Variants in CFAP44 observed in about 807,000 individuals in gnomAD.
CFAP44 encodes the protein cilia and flagella associated protein 44.
Under a neutral mutation model 216.2 loss-of-function variants are expected in CFAP44, and 134 were observed. The observed-to-expected ratio is 0.62, with a 90% CI of 0.54 to 0.72. CFAP44 has a LOEUF of 0.72. Ranked by LOEUF, CFAP44 falls within the 30% of genes least tolerant of loss-of-function variation. The pLI, the probability that CFAP44 is intolerant of heterozygous loss-of-function variation, is 0.00. For missense variants in CFAP44, 2,035 were observed against 2,182.1 expected (o/e 0.93, Z 1.34); for synonymous variants, 700 against 727.6 (o/e 0.96, Z 0.61).
In CFAP44 at chr3:113,303,952, T is replaced by G. The variant is rs2107792170; in HGVS notation, c.5041A>C (p.Ile1681Leu). The change falls in exon 32 of 35, where the codon ATC (isoleucine) becomes CTC (leucine). Residue 1681 changes from isoleucine (I) to leucine (L), a missense_variant. Ile to Leu is a conservative substitution (Grantham distance 5). This residue lies in a region of CFAP44 where 1,883 missense variants were observed against 2,023.7 expected (regional missense o/e 0.93). Coordinates refer to ENST00000393845, the MANE Select transcript of CFAP44 (RefSeq NM_001164496.2). Reference protein sequence around the residue: ...KEWRERRKQLIREKREMTKTI... With the variant: ...KEWRERRKQLLREKREMTKTI... Reference sequence around the variant, plus strand: ...TTTGTCATTTCTCTCTTTTCTCGGATGAGCTGTTTACGTCTCTCTCTCCAT... The same window carrying G: ...TTTGTCATTTCTCTCTTTTCTCGGAGGAGCTGTTTACGTCTCTCTCTCCAT... The G allele has an allele frequency of 6.5e-7, 1 of 1,537,824 alleles. No homozygotes were observed. Among genetic ancestry groups the G allele is most frequent in the Non-Finnish European group, 8.7e-7 (1 of 1,147,034 alleles).
intron 4 of CFAP44, 94 bp from the exon 5 acceptor site, chr3:113,420,273 G>A: frequency 7.9e-7 from 1 of 1,262,306 alleles, no homozygotes; most frequent in Non-Finnish European, 1.0e-6. Context: ...TATACTCTTA[G>A]ATGAAGATGT....
chr3:113,412,003 T>C (rs1934491760), intron 6 of CFAP44, among the ~76,000 whole-genome samples: 1 of 152,146 alleles, frequency 6.6e-6, no homozygotes, highest in African/African-American at 2.4e-5. Flanking sequence ...CCTGAGACTT[T>C]GCTGAAGTTG....
chr3:113,381,676 A>G (rs1933514232), intron 15 of CFAP44, among the ~76,000 whole-genome samples: 1 of 152,242 alleles, frequency 6.6e-6, no homozygotes, highest in South Asian at 2.1e-4. Flanking sequence ...TTAATCATGA[A>G]TGGGAAATCT....
intron 5 of CFAP44, among the ~76,000 whole-genome samples, chr3:113,418,478 G>A (rs1934711940): frequency 6.6e-6 from 1 of 152,146 alleles, no homozygotes; most frequent in African/African-American, 2.4e-5. Flanking sequence ...CAGGTAGGGT[G>A]CCCAAACACT....
intron 22 of CFAP44, among the ~76,000 whole-genome samples, chr3:113,345,977 G>A (rs965928685): frequency 6.6e-6 from 1 of 151,810 alleles, no homozygotes. Flanking sequence ...TTGCCCACTG[G>A]AACTTTTAAA....
chr3:113,385,119 T>G (rs745545532), intron 15 of CFAP44, among the ~76,000 whole-genome samples: 1 of 152,202 alleles, frequency 6.6e-6, no homozygotes, highest in Non-Finnish European at 1.5e-5. Flanking sequence ...GACTTCTTCT[T>G]GCCTGCCGCC....
At chr3:113,408,665 G>A (rs1366310622) in intron 7 of CFAP44, among the ~76,000 whole-genome samples, 1 of 152,172 alleles carries the variant, frequency 6.6e-6, no homozygotes, top group East Asian at 1.9e-4. Context: ...AGGAGTTCGA[G>A]ACCAGCCTGA....
chr3:113,400,818 TAG>T, intron 11 of CFAP44, 174 bp from the exon 12 acceptor site: 2 of 627,622 alleles, frequency 3.2e-6, no homozygotes, highest in Non-Finnish European at 5.4e-6. Context: ...GAGAACCAGA[TAG>T]AGTCCTGGGC....
chr3:113,330,731 T>C (rs1950234670), intron 25 of CFAP44, 63 bp from the exon 26 acceptor site: 2 of 1,450,316 alleles, frequency 1.4e-6, no homozygotes, highest in Admixed American at 2.8e-5. Context: ...GTATGGAATA[T>C]GATCTGCTCT....
Position 113,311,729 on chromosome 3 carries a change from C to G in CFAP44, c.4517-3461G>C, listed in dbSNP as rs1049377743. ...AGAGGTTGGAACAGTTTGGAGGGCTCAGAAGAAGACAGGAAAATGTAAGAG... is the reference window on the plus strand; with the variant it reads ...AGAGGTTGGAACAGTTTGGAGGGCTGAGAAGAAGACAGGAAAATGTAAGAG... On this transcript the variant is annotated intron_variant, in intron 28 of 34. Coordinates refer to ENST00000393845, the MANE Select transcript of CFAP44 (RefSeq NM_001164496.2). Among the ~76,000 whole-genome samples, 4 of 152,194 alleles carry G rather than the reference C, an allele frequency of 2.6e-5. No individual in the cohort carries two copies. In the East Asian group the frequency reaches 5.8e-4, roughly 22 times the overall value.
At chr3:113,329,409 T>A (rs1436353056) in intron 26 of CFAP44, among the ~76,000 whole-genome samples, 1 of 151,778 alleles carries the variant, frequency 6.6e-6, no homozygotes, top group Non-Finnish European at 1.5e-5. Context: ...CAGAATGGTG[T>A]GGGAGGAAAA....
At chr3:113,358,925 T>G in intron 21 of CFAP44, 50 bp from the exon 22 acceptor site, 2 of 1,492,840 alleles carry the variant, frequency 1.3e-6, no homozygotes, top group Non-Finnish European at 1.8e-6. Context: ...ATCAACTCTG[T>G]TTCATATATT....
intron 28 of CFAP44, among the ~76,000 whole-genome samples, chr3:113,317,071 C>T (rs139984949): frequency 5.8e-4 from 88 of 152,268 alleles, no homozygotes; most frequent in African/African-American, 2.0e-3. Context: ...GAACCCTGAA[C>T]GGGGTAACCA....
At chr3:113,415,133 T>A (rs1214385642) in intron 6 of CFAP44, among the ~76,000 whole-genome samples, 3 of 152,184 alleles carry the variant, frequency 2.0e-5, no homozygotes, top group Non-Finnish European at 4.4e-5. Context: ...CTTCTAGATT[T>A]TCTAGTTTAT....
intron 15 of CFAP44, 29 bp from the exon 16 acceptor site, chr3:113,381,089 A>T: frequency 6.7e-7 from 1 of 1,487,592 alleles, no homozygotes; most frequent in Non-Finnish European, 9.0e-7. Context: ...ACATATTTAC[A>T]TTTAGGCAAA....
intron 1 of CFAP44, among the ~76,000 whole-genome samples, chr3:113,439,911 C>T (rs1267997835): frequency 6.6e-6 from 1 of 152,130 alleles, no homozygotes; most frequent in Non-Finnish European, 1.5e-5. Context: ...TCGGTTTTTA[C>T]TTTGCAATGT....
At chr3:113,394,138 T>G (rs1166481088) in intron 15 of CFAP44, among the ~76,000 whole-genome samples, 1 of 152,246 alleles carries the variant, frequency 6.6e-6, no homozygotes, top group African/African-American at 2.4e-5. Flanking sequence ...TTACATGTTA[T>G]GCAACTATAC....
At chr3:113,305,293 G>A (rs997108681) in intron 30 of CFAP44, 141 bp from the exon 31 acceptor site, 7 of 676,582 alleles carry the variant, frequency 1.0e-5, no homozygotes, top group Non-Finnish European at 1.0e-5. Flanking sequence ...CATGATCCCA[G>A]TTTGCAACTC....
rs1949808805 is a variant in CFAP44, at chr3:113,289,557, C to T, written c.*2000G>A. ...CCAAGGGGATGGTATCGCCTCAAGA[C>T]CTTTCTCAGAGACCAGCCACTCTCT... is the stretch of plus-strand genomic sequence containing the variant. On this transcript the variant is annotated 3_prime_UTR_variant, in exon 35 of 35. Coordinates refer to ENST00000393845, the MANE Select transcript of CFAP44 (RefSeq NM_001164496.2). 6.6e-6 allele frequency: 1 copy of T among 152,206 alleles called. No homozygotes were observed. Among genetic ancestry groups the T allele is most frequent in the Non-Finnish European group, 1.5e-5 (1 of 68,048 alleles). 9.4% of individuals were successfully genotyped at this position (152,206 alleles called of 1,614,324 possible).
Sources: gnomAD v4.1 joint callset for allele counts (sites outside exome capture counted in the v4.1 genomes callset) on GRCh38, gnomAD v4.1.1 for gene constraint, gnomAD v4.1.1 regional missense constraint, MANE v1.5 for transcripts, NCBI Gene and HGNC (gene_info 2026-07-23, HGNC 2026-07-21) for gene names.